Variants in CLN8 observed in about 807,000 individuals in gnomAD.
The protein encoded by CLN8 is CLN8 transmembrane ER and ERGIC protein.
In CLN8, 14 loss-of-function variants were observed where a neutral mutation model predicts 15.7. The observed-to-expected ratio is 0.89, with a 90% CI of 0.59 to 1.39. The LOEUF (loss-of-function observed/expected upper bound fraction) is 1.39. CLN8 is among the 40% of genes most tolerant of loss of function. CLN8 has a pLI of 0.00. For missense variants in CLN8, 415 were observed against 364.0 expected, an observed-to-expected ratio of 1.14 and a Z score of -1.14; for synonymous variants, 188 against 151.0, an observed-to-expected ratio of 1.25 and a Z score of -1.80.
intron 1 of CLN8, among the ~76,000 whole-genome samples, chr8:1,766,574 G>A (rs1327026085): frequency 6.6e-6 from 1 of 151,692 alleles, no homozygotes; most frequent in Non-Finnish European, 1.5e-5. Context: ...TTGTATTTTA[G>A]TAGAGACAAG....
intron 2 of CLN8, among the ~76,000 whole-genome samples, chr8:1,772,076 C>G (rs914527722): frequency 1.6e-4 from 24 of 151,996 alleles, no homozygotes; most frequent in African/African-American, 5.6e-4. Context: ...GCTAGGACTA[C>G]AGGTGCGCAC....
chr8:1,760,604 G>A (rs905267400), upstream of CLN8, among the ~76,000 whole-genome samples: 5 of 152,178 alleles, frequency 3.3e-5, no homozygotes, highest in African/African-American at 7.2e-5. Flanking sequence ...TACTAGCCAC[G>A]TGACTGAGCA....
At chr8:1,777,966 T>C (rs1041771905) in intron 2 of CLN8, among the ~76,000 whole-genome samples, 1 of 152,248 alleles carries the variant, frequency 6.6e-6, no homozygotes, top group African/African-American at 2.4e-5. Context: ...ACACTGTGCG[T>C]TGTTGACTGA....
At chr8:1,776,392 GT>G (rs1308008437) in intron 2 of CLN8, among the ~76,000 whole-genome samples, 1 of 152,088 alleles carries the variant, frequency 6.6e-6, no homozygotes, top group Admixed American at 6.5e-5. Flanking sequence ...ATAACAGAAG[GT>G]TCTGGAAGGT....
upstream of CLN8, chr8:1,763,074 A>G (rs2130956454): frequency 6.6e-6 from 1 of 152,320 alleles, no homozygotes; most frequent in East Asian, 1.9e-4. Flanking sequence ...GTGGGCGCAG[A>G]AGGGCCGGGG....
intron 2 of CLN8, among the ~76,000 whole-genome samples, chr8:1,772,022 G>T (rs760217820): frequency 3.3e-5 from 5 of 151,778 alleles, no homozygotes; most frequent in African/African-American, 7.3e-5. Context: ...TGCAACCTCC[G>T]CCTCCTGGGT....
intron 1 of CLN8, among the ~76,000 whole-genome samples, 193 bp from the exon 2 acceptor site, chr8:1,770,739 C>G (rs1012557302): frequency 3.9e-5 from 6 of 152,146 alleles, no homozygotes; most frequent in Non-Finnish European, 8.8e-5. Flanking sequence ...CTGGACCGCT[C>G]TAGCTTTAGT....
chr8:1,780,568 C>G lies in CLN8; in HGVS notation c.*1C>G. On this transcript the variant is annotated 3_prime_UTR_variant, in exon 3 of 3. Transcript: ENST00000331222. ...GCTGCTGCGGAAGAAGAGGCCATAG[C>G]TGCTCCAGCCGGGGCTCCGGGGCGG... 1.2e-6 allele frequency: 2 copies of G among 1,612,492 alleles called. No individual in the cohort carries two copies. Among genetic ancestry groups the G allele is most frequent in the Non-Finnish European group, 1.7e-6 (2 of 1,178,740 alleles).
rs1801366790 is a variant in CLN8, at chr8:1,772,785, A to G, written c.543+1188A>G. 3 of 383,612 alleles carry G rather than the reference A, an allele frequency of 7.8e-6. No individual in the cohort carries two copies. In the East Asian group the frequency reaches 1.1e-4, roughly 14 times the overall value. 23.8% of individuals were successfully genotyped at this position (383,612 alleles called of 1,614,324 possible). On this transcript the variant is annotated intron_variant, in intron 2 of 2. Coordinates refer to ENST00000331222, the MANE Select transcript of CLN8 (RefSeq NM_018941.4). Reference sequence around the variant, plus strand: ...ATGAGCCACCGTGCACAGCCTTAAAATTGTTTTTACATAGATTCTTGCTAT... The same window carrying G: ...ATGAGCCACCGTGCACAGCCTTAAAGTTGTTTTTACATAGATTCTTGCTAT...
Position 1,771,380 on chromosome 8 carries a change from C to T in CLN8, c.326C>T (p.Thr109Ile). Residue 109 changes from threonine to isoleucine, a missense_variant, in exon 2 of 3, where the codon ACA (threonine) becomes ATA (isoleucine). Physicochemically the swap from Thr to Ile is moderately conservative, Grantham distance 89. Coordinates refer to ENST00000331222, the MANE Select transcript of CLN8 (RefSeq NM_018941.4). The part of the protein sequence containing the change: ...QQNWCWFHIT[T>I]ATGFFCFENV... ...AACTGGTGCTGGTTTCACATCACGA[C>T]AGCAACGGGATTCTTTTGCTTTGAA... is the stretch of plus-strand genomic sequence containing the variant. 6.2e-7 allele frequency: 1 copy of T among 1,614,212 alleles called. No homozygotes were observed. Among genetic ancestry groups the T allele is most frequent in the Non-Finnish European group, 8.5e-7 (1 of 1,180,044 alleles).
At chr8:1,766,689 C>T (rs771609765) in intron 1 of CLN8, among the ~76,000 whole-genome samples, 1 of 151,282 alleles carries the variant, frequency 6.6e-6, no homozygotes, top group African/African-American at 2.4e-5. Flanking sequence ...CCCTGCCCGG[C>T]CGATTCGGCC....
At chr8:1,778,008 A>C (rs1380623233) in intron 2 of CLN8, among the ~76,000 whole-genome samples, 1 of 152,246 alleles carries the variant, frequency 6.6e-6, no homozygotes, top group East Asian at 1.9e-4. Context: ...GCACTGCTGT[A>C]GGTGCAGTTG....
At chr8:1,771,827 T>A (rs1801319813) in intron 2 of CLN8, among the ~76,000 whole-genome samples, 1 of 152,160 alleles carries the variant, frequency 6.6e-6, no homozygotes, top group Admixed American at 6.5e-5. Context: ...TAATTTTAAG[T>A]CTTTTAGGCT....
chr8:1,767,703 C>G (rs1801125010), intron 1 of CLN8, among the ~76,000 whole-genome samples: 1 of 148,962 alleles, frequency 6.7e-6, no homozygotes, highest in South Asian at 2.2e-4. Flanking sequence ...TCCCAAGTAG[C>G]TGGGATCACA....
At chr8:1,780,159 G>T in intron 2 of CLN8, 91 bp from the exon 3 acceptor site, 1 of 1,607,214 alleles carries the variant, frequency 6.2e-7, no homozygotes, top group Non-Finnish European at 8.5e-7. Context: ...GTTTTGTTTG[G>T]TAAGTAAGGT....
At chr8:1,753,150 G>C (rs1800592577), upstream of CLN8, among the ~76,000 whole-genome samples, 1 of 152,166 alleles carries the variant, frequency 6.6e-6, no homozygotes, top group South Asian at 2.1e-4. Flanking sequence ...CATAAGTTGG[G>C]AGGTTGGTAC....
At chr8:1,753,977 C>A (rs535700041), upstream of CLN8, among the ~76,000 whole-genome samples, 39 of 152,196 alleles carry the variant, frequency 2.6e-4, no homozygotes, top group South Asian at 7.9e-3. Flanking sequence ...GTTGGTGGGA[C>A]CAAAGGAAAG....
At chr8:1,754,077 A>G (rs935736782), upstream of CLN8, among the ~76,000 whole-genome samples, 7 of 152,076 alleles carry the variant, frequency 4.6e-5, no homozygotes, top group Non-Finnish European at 2.9e-5. Context: ...GTGCCCAGCA[A>G]TCACCAGACC....
chr8:1,770,818 A>T (rs923957402), intron 1 of CLN8, 114 bp from the exon 2 acceptor site: 9 of 595,578 alleles, frequency 1.5e-5, no homozygotes, highest in Non-Finnish European at 2.7e-5. Context: ...TTGTAAGTTC[A>T]TTAAGAATAA....
Sources: gnomAD v4.1 joint callset for allele counts (sites outside exome capture counted in the v4.1 genomes callset) on GRCh38, gnomAD v4.1.1 for gene constraint, MANE v1.5 for transcripts, NCBI Gene and HGNC (gene_info 2026-07-23, HGNC 2026-07-21) for gene names.